The following TMEM51 variants were observed in gnomAD, a reference collection of about 807,000 sequenced individuals.
TMEM51 encodes transmembrane protein 51, also known as chromosome 1 open reading frame 72.
A neutral mutation model predicts 13.6 loss-of-function variants in TMEM51; 8 were observed. The observed-to-expected ratio is 0.59, with a 90% confidence interval of 0.35 to 1.07. The LOEUF (loss-of-function observed/expected upper bound fraction) is 1.07. Ranked by LOEUF, TMEM51 falls within the 50% of genes least tolerant of loss-of-function variation. The probability of loss-of-function intolerance (pLI) is 0.02; values close to 1 mark genes in which losing one functional copy is unlikely to be tolerated. For missense variants in TMEM51, 279 were observed against 330.7 expected (o/e 0.84, Z 1.21); for synonymous variants, 147 against 144.4 (o/e 1.02, Z -0.13).
chr1:15,168,659 C>T (rs1259374297), intron 1 of TMEM51: 4 of 1,304,400 alleles, frequency 3.1e-6, no homozygotes, highest in African/African-American at 1.5e-5. Flanking sequence ...CTCACTGCAT[C>T]TGAGGAAGTC....
intron 1 of TMEM51, among the ~76,000 whole-genome samples, chr1:15,183,444 T>G (rs1198477893): frequency 6.6e-6 from 1 of 152,230 alleles, no homozygotes; most frequent in Non-Finnish European, 1.5e-5. Flanking sequence ...TTATGTCCCT[T>G]TGCCTCCATT....
chr1:15,219,282 T>G, intron 3 of TMEM51, 44 bp from the exon 4 acceptor site: 1 of 1,524,596 alleles, frequency 6.6e-7, no homozygotes, highest in Non-Finnish European at 8.8e-7. Flanking sequence ...TTGAATGACT[T>G]GAGCACAGGC....
At chr1:15,160,997 G>T (rs1557829734) in intron 1 of TMEM51, among the ~76,000 whole-genome samples, 1 of 152,002 alleles carries the variant, frequency 6.6e-6, no homozygotes, top group East Asian at 1.9e-4. Context: ...AGGATTTTCA[G>T]AAAGAGTGCA....
At chr1:15,160,300 G>A (rs754177837) in intron 1 of TMEM51, among the ~76,000 whole-genome samples, 7 of 152,114 alleles carry the variant, frequency 4.6e-5, no homozygotes, top group Non-Finnish European at 1.0e-4. Flanking sequence ...TTGAGACAGA[G>A]TGTCACTCTG....
chr1:15,214,489 C>T (rs932462135), intron 2 of TMEM51, among the ~76,000 whole-genome samples: 6 of 152,160 alleles, frequency 3.9e-5, no homozygotes, highest in African/African-American at 1.4e-4. Flanking sequence ...TTGGCTGAGG[C>T]CCTGTCCCCC....
At chr1:15,193,322 G>C (rs984383146) in intron 1 of TMEM51, among the ~76,000 whole-genome samples, 4 of 152,212 alleles carry the variant, frequency 2.6e-5, no homozygotes, top group Non-Finnish European at 5.9e-5. Flanking sequence ...TCCTGCAGTG[G>C]GATGGATATG....
In TMEM51 at chr1:15,207,383, C is replaced by T. The variant is rs770440165; in HGVS notation, c.-266-3107C>T. On this transcript the variant is annotated intron_variant, in intron 1 of 3. Transcript: ENST00000376008. The surrounding 1 kb of genome is among the most constrained non-coding windows in gnomAD (Gnocchi z 4.6). ...GTCCTGGAGAGTTTCTGCAATTCAG[C>T]GAGAAGAGGCAGCGGAAGGCCCAGC... Among the ~76,000 whole-genome samples the T allele has an allele frequency of 8.5e-5, 13 of 152,236 alleles. No individual in the cohort carries two copies. The highest frequency in any genetic ancestry group is 1.9e-4 in the East Asian group (1 of 5,204).
chr1:15,163,155 C>T (rs749023302), intron 1 of TMEM51, among the ~76,000 whole-genome samples: 3 of 151,930 alleles, frequency 2.0e-5, no homozygotes, highest in Non-Finnish European at 4.4e-5. Flanking sequence ...GGAAACGGTG[C>T]CTAAGACAGG....
At chr1:15,184,818 C>T (rs576045650) in intron 1 of TMEM51, among the ~76,000 whole-genome samples, 2 of 147,652 alleles carry the variant, frequency 1.4e-5, no homozygotes, top group South Asian at 4.4e-4. Context: ...ATCTTGCCCT[C>T]GCGTGGGACA....
At chr1:15,206,412 T>C (rs1474099371) in intron 1 of TMEM51, among the ~76,000 whole-genome samples, 2 of 152,202 alleles carry the variant, frequency 1.3e-5, no homozygotes, top group Admixed American at 1.3e-4. Context: ...ACTTTTGTCC[T>C]GAAACACCTC....
At chr1:15,193,663 C>T (rs552752388) in intron 1 of TMEM51, among the ~76,000 whole-genome samples, 4 of 148,582 alleles carry the variant, frequency 2.7e-5, no homozygotes, top group African/African-American at 9.9e-5. Context: ...CTGCAACCTC[C>T]ATCTCCTGGG....
intron 3 of TMEM51, among the ~76,000 whole-genome samples, chr1:15,216,020 AGACT>A (rs1222587910): frequency 8.8e-6 from 1 of 114,198 alleles, no homozygotes; most frequent in Non-Finnish European, 2.1e-5. Context: ...TGACAGAGTG[AGACT>A]CTGTCTCAAA....
intron 1 of TMEM51, among the ~76,000 whole-genome samples, chr1:15,163,855 G>T (rs1332240954): frequency 2.0e-5 from 3 of 149,786 alleles, no homozygotes; most frequent in Non-Finnish European, 4.4e-5. Flanking sequence ...AGGGGACAAA[G>T]TCTCACTCTG....
At chr1:15,175,549 C>T (rs1031461816) in intron 1 of TMEM51, among the ~76,000 whole-genome samples, 3 of 152,180 alleles carry the variant, frequency 2.0e-5, no homozygotes, top group African/African-American at 7.2e-5. Flanking sequence ...AGTCTGTTCT[C>T]ATGTGGCTAA....
intron 1 of TMEM51, among the ~76,000 whole-genome samples, chr1:15,197,677 C>T (rs1055258591): frequency 5.3e-5 from 8 of 150,958 alleles, no homozygotes; most frequent in Non-Finnish European, 1.2e-4. Flanking sequence ...ACTCTCTTGT[C>T]GGGATGGTAT....
chr1:15,187,450 G>A (rs1022031050), intron 1 of TMEM51, among the ~76,000 whole-genome samples: 14 of 152,222 alleles, frequency 9.2e-5, no homozygotes, highest in Admixed American at 7.9e-4. Context: ...GGAGGCTGAG[G>A]GCAGAGGGTG....
At chr1:15,156,739 CA>C (rs1370116907) in intron 1 of TMEM51, among the ~76,000 whole-genome samples, 1 of 152,096 alleles carries the variant, frequency 6.6e-6, no homozygotes, top group Non-Finnish European at 1.5e-5. Context: ...ATTTGACAAA[CA>C]AAACTCAGAG....
intron 1 of TMEM51, chr1:15,168,566 G>T (rs1004092014): frequency 6.1e-6 from 8 of 1,304,660 alleles, no homozygotes; most frequent in Non-Finnish European, 7.1e-6. Flanking sequence ...GTTTTGTCTT[G>T]GGCTAAGAGG....
intron 1 of TMEM51, among the ~76,000 whole-genome samples, chr1:15,173,401 A>G (rs978301980): frequency 6.6e-6 from 1 of 151,538 alleles, no homozygotes; most frequent in African/African-American, 2.4e-5. Context: ...TTGTATTTTT[A>G]GTAGAGACGG....
Sources: allele counts gnomAD v4.1 joint callset (sites outside exome capture counted in the v4.1 genomes callset), GRCh38; gene constraint gnomAD v4.1.1; non-coding constraint Gnocchi (gnomAD v3.1); transcripts MANE v1.5; gene names NCBI Gene and HGNC (gene_info 2026-07-23, HGNC 2026-07-21).